TNS1: variants seen among roughly 807,000 people sequenced by gnomAD.
TNS1 encodes the protein tensin-1.
Under a neutral mutation model 168.6 loss-of-function variants are expected in TNS1, and 62 were observed. That is an observed-to-expected ratio of 0.37 (90% confidence interval 0.30 to 0.45). The LOEUF is 0.45. Ranked by LOEUF, TNS1 falls within the 20% of genes least tolerant of loss-of-function variation. The pLI is 1.00. For synonymous variants in TNS1, 934 were observed against 933.2 expected (o/e 1.00, Z -0.02); for missense variants, 2,240 against 2,339.4 (o/e 0.96, Z 0.88).
intron 3 of TNS1, among the ~76,000 whole-genome samples, chr2:217,920,562 G>T (rs923398418): frequency 7.4e-6 from 1 of 134,618 alleles, no homozygotes; most frequent in Non-Finnish European, 1.5e-5. Context: ...TAAGAAGAAG[G>T]ATTTTTTTTT....
At chr2:217,998,131 A>T (rs952147072) in intron 1 of TNS1, among the ~76,000 whole-genome samples, 2 of 152,146 alleles carry the variant, frequency 1.3e-5, no homozygotes, top group South Asian at 4.1e-4. Context: ...AGACAGTGAC[A>T]TTTCCCCAGC....
At chr2:217,937,600 C>A (rs887414177) in intron 3 of TNS1, among the ~76,000 whole-genome samples, 13 of 152,216 alleles carry the variant, frequency 8.5e-5, no homozygotes, top group Middle Eastern at 3.4e-3. Context: ...GGGGGCAGGG[C>A]GGGGAGGGAA....
At chr2:217,938,146 C>G (rs1002178642) in intron 3 of TNS1, among the ~76,000 whole-genome samples, 1 of 152,200 alleles carries the variant, frequency 6.6e-6, no homozygotes, top group Non-Finnish European at 1.5e-5. Context: ...TCAACCCAAG[C>G]CCATTCTTTC....
intron 19 of TNS1, among the ~76,000 whole-genome samples, chr2:217,844,380 G>A (rs1208614662): frequency 6.6e-6 from 1 of 152,042 alleles, no homozygotes; most frequent in Admixed American, 6.6e-5. Flanking sequence ...CACAGGAATG[G>A]CTTCCTACAT....
At position 217,813,047 on chromosome 2, in the gene TNS1, C is replaced by T. The variant is rs1003340009; in HGVS notation, c.4954+168G>A. 6.6e-6 allele frequency among the ~76,000 whole-genome samples: 1 copy of T among 152,202 alleles called. No individual in the cohort carries two copies. The highest frequency in any genetic ancestry group is 6.5e-5 in the Admixed American group (1 of 15,282). ...ACTGCAGTTTGGCAGAGTTAGGAGC[C>T]GCACTGCGGAGGGAGAGAAGCTTTC... On this transcript the variant is annotated intron_variant, in intron 27 of 32. Coordinates refer to ENST00000682258, the MANE Select transcript of TNS1 (RefSeq NM_001387777.1). The surrounding 1 kb of genome is among the most constrained non-coding windows in gnomAD (Gnocchi z 4.0).
At chr2:218,030,781 A>T (rs1406349046) in intron 1 of TNS1, among the ~76,000 whole-genome samples, 1 of 152,214 alleles carries the variant, frequency 6.6e-6, no homozygotes, top group Non-Finnish European at 1.5e-5. Flanking sequence ...CACGGGGTGG[A>T]TAAATCAGGG....
chr2:217,865,616 G>T (rs1046898982), intron 18 of TNS1, among the ~76,000 whole-genome samples: 1 of 152,146 alleles, frequency 6.6e-6, no homozygotes, highest in Non-Finnish European at 1.5e-5. Context: ...CCAGGGCATC[G>T]ACTGGCTGTA....
At chr2:217,858,596 G>A in intron 18 of TNS1, 1 of 985,748 alleles carries the variant, frequency 1.0e-6, no homozygotes, top group Non-Finnish European at 1.2e-6. Flanking sequence ...GCAGCTCCAA[G>A]TGCTGTCTGT....
At chr2:217,939,001 GAAC>G (rs1189838017) in intron 3 of TNS1, among the ~76,000 whole-genome samples, 4 of 151,882 alleles carry the variant, frequency 2.6e-5, no homozygotes, top group Non-Finnish European at 4.4e-5. Context: ...CTTAGAGATG[GAAC>G]AACAAGACAA....
chr2:217,829,334 G>A (rs1262847442), intron 22 of TNS1, among the ~76,000 whole-genome samples: 1 of 152,126 alleles, frequency 6.6e-6, no homozygotes, highest in Non-Finnish European at 1.5e-5. Flanking sequence ...GCAGTGAGCC[G>A]AGATCGTGCC....
At chr2:217,980,587 G>C (rs2126055623) in intron 2 of TNS1, among the ~76,000 whole-genome samples, 1 of 151,798 alleles carries the variant, frequency 6.6e-6, no homozygotes, top group South Asian at 2.1e-4. Flanking sequence ...CGTTTGCTGA[G>C]TTGGACCTGT....
rs991031390 is a variant in TNS1, at chr2:217,948,894, C to T, written c.187-28658G>A. Among the ~76,000 whole-genome samples the T allele has an allele frequency of 1.3e-5, 2 of 151,190 alleles. No individual in the cohort carries two copies. Among genetic ancestry groups the T allele is most frequent in the South Asian group, 2.1e-4 (1 of 4,746 alleles). Reference sequence around the variant, plus strand: ...GGCCCTTTGCTGCACATCCCCACCTCGGGAAGGAGAAGTGCTGGGCTTTCC... The same window carrying T: ...GGCCCTTTGCTGCACATCCCCACCTTGGGAAGGAGAAGTGCTGGGCTTTCC... On this transcript the variant is annotated intron_variant, in intron 3 of 32. Coordinates refer to ENST00000682258, the MANE Select transcript of TNS1 (RefSeq NM_001387777.1). This position sits in a 1 kb window ranked among gnomAD's most constrained non-coding sequence, Gnocchi z 4.1.
chr2:217,934,870 C>A (rs1348626782), intron 3 of TNS1, among the ~76,000 whole-genome samples: 1 of 152,224 alleles, frequency 6.6e-6, no homozygotes, highest in African/African-American at 2.4e-5. Flanking sequence ...AGACTAGGAG[C>A]CTCTCTGTTC....
At position 217,930,861 on chromosome 2, in the gene TNS1, C is replaced by A. The variant is rs528173512; in HGVS notation, c.187-10625G>T. Among the ~76,000 whole-genome samples the A allele has an allele frequency of 1.2e-3, 179 of 152,270 alleles. 1 individual carries two copies. The highest frequency in any genetic ancestry group is 3.9e-3 in the African/African-American group (164 of 41,548). ...GGAAAACCCCACCCCTTCTCCCTGA[C>A]CTATTCTGAAGCAGGGAGGCTGGGG... On this transcript the variant is annotated intron_variant, in intron 3 of 32. Transcript: ENST00000682258.
chr2:218,012,718 T>C (rs923970145), upstream of TNS1, among the ~76,000 whole-genome samples: 2 of 152,114 alleles, frequency 1.3e-5, no homozygotes, highest in Non-Finnish European at 2.9e-5. Context: ...ACAAGTACTC[T>C]GTTCTGTTTT....
intron 22 of TNS1, among the ~76,000 whole-genome samples, chr2:217,824,694 C>T (rs1380336999): frequency 1.3e-5 from 2 of 152,168 alleles, no homozygotes; most frequent in African/African-American, 4.8e-5. Context: ...GTCTCACCCA[C>T]AGCCATGCAA....
intron 4 of TNS1, among the ~76,000 whole-genome samples, chr2:217,919,559 G>A (rs955078941): frequency 2.1e-4 from 32 of 152,226 alleles, no homozygotes; most frequent in African/African-American, 7.2e-4. Flanking sequence ...GTGGCGAGAG[G>A]CAGGAAGGAA....
chr2:217,883,692 G>GC (rs1950896397), intron 16 of TNS1, among the ~76,000 whole-genome samples: 1 of 152,120 alleles, frequency 6.6e-6, no homozygotes. Flanking sequence ...GATCAGCTAT[G>GC]CCTTTATTTT....
Position 217,959,888 on chromosome 2 carries a change from T to C in TNS1, c.186+18877A>G, listed in dbSNP as rs535953602. Among the ~76,000 whole-genome samples the C allele has an allele frequency of 3.9e-4, 38 of 96,948 alleles. No individual in the cohort carries two copies. In the South Asian group the frequency reaches 4.9e-3, roughly 12 times the overall value. 63.6% of individuals were successfully genotyped at this position (96,948 alleles called of 152,430 possible). ...AGGAATGCGGCTGGGGCTGGGAGGG[T>C]GGGAGTGAGGGGAGATGCCTCGCCG... On this transcript the variant is annotated intron_variant, in intron 3 of 32. Coordinates refer to ENST00000682258, the MANE Select transcript of TNS1 (RefSeq NM_001387777.1).
Sources: allele counts gnomAD v4.1 joint callset (sites outside exome capture counted in the v4.1 genomes callset), GRCh38; gene constraint gnomAD v4.1.1; non-coding constraint Gnocchi (gnomAD v3.1); transcripts MANE v1.5; gene names NCBI Gene and HGNC (gene_info 2026-07-23, HGNC 2026-07-21).